The following PUM3 variants were observed in gnomAD, a reference collection of about 807,000 sequenced individuals.
The protein encoded by PUM3 is pumilio RNA binding family member 3.
A neutral mutation model predicts 84.0 loss-of-function variants in PUM3; 91 were observed. That is an observed-to-expected ratio of 1.08 (90% CI 0.91 to 1.29). PUM3 has a LOEUF of 1.29. PUM3 is among the 50% of genes most tolerant of loss of function. The pLI, the probability that PUM3 is intolerant of heterozygous loss-of-function variation, is 0.00. For synonymous variants in PUM3, 321 were observed against 266.7 expected (o/e 1.20, Z -1.98); for missense variants, 1,067 against 767.5 (o/e 1.39, Z -4.61).
chr9:2,826,385 G>T (rs1180691108), intron 10 of PUM3, among the ~76,000 whole-genome samples: 1 of 152,122 alleles, frequency 6.6e-6, no homozygotes, highest in Non-Finnish European at 1.5e-5. Flanking sequence ...AGCTTACGTG[G>T]GTGGCTACCA....
At chr9:2,831,217 A>C in intron 6 of PUM3, 34 bp downstream of exon 6, 1 of 1,400,296 alleles carries the variant, frequency 7.1e-7, no homozygotes. Context: ...ACTTATTGCA[A>C]ATGATAACAT....
intron 17 of PUM3, 132 bp downstream of exon 17, chr9:2,807,682 T>A: frequency 1.7e-6 from 1 of 601,116 alleles, no homozygotes; most frequent in Non-Finnish European, 3.0e-6. Flanking sequence ...GGTATGTTTG[T>A]CTAGACCATG....
At chr9:2,815,296 G>A (rs937121192) in intron 13 of PUM3, among the ~76,000 whole-genome samples, 2 of 152,022 alleles carry the variant, frequency 1.3e-5, no homozygotes, top group African/African-American at 4.8e-5. Context: ...GCTCACCCTC[G>A]TTACAGCTTT....
At chr9:2,816,887 G>A (rs933138787) in intron 13 of PUM3, among the ~76,000 whole-genome samples, 2 of 152,226 alleles carry the variant, frequency 1.3e-5, no homozygotes, top group African/African-American at 2.4e-5. Flanking sequence ...ATCGGGCTAT[G>A]ATTTCAACTT....
chr9:2,838,131 A>C (rs1586729368), intron 2 of PUM3, among the ~76,000 whole-genome samples: 1 of 152,190 alleles, frequency 6.6e-6, no homozygotes, highest in East Asian at 1.9e-4. Context: ...AAACAGTCCT[A>C]ATTTATCAAA....
At chr9:2,821,501 A>C (rs563892663) in intron 12 of PUM3, among the ~76,000 whole-genome samples, 1 of 151,994 alleles carries the variant, frequency 6.6e-6, no homozygotes, top group African/African-American at 2.4e-5. Flanking sequence ...CAGAAGTACA[A>C]ATGTCTTTAA....
rs1412534928 is a variant in PUM3 at position 2,812,294 on chromosome 9, T to C, written c.1338A>G (p.Leu446=). The C allele has an allele frequency of 5.6e-6, 9 of 1,608,012 alleles. No individual in the cohort carries two copies. The highest frequency in any genetic ancestry group is 2.2e-5 in the South Asian group (2 of 90,976). ...CTGTATGTGCAGGATCTCTGGGGCT[T>C]AGTAAGTACAATAGGACCTTCCTTC... ...KYGRKVLLYL[L]SPRDPAHTVR... The change falls in exon 14 of 18, where the codon CTA becomes CTG. Residue 446 remains leucine, a synonymous_variant. Transcript: ENST00000397885.
chr9:2,829,240 C>T (rs916520466), intron 8 of PUM3, among the ~76,000 whole-genome samples: 11 of 152,206 alleles, frequency 7.2e-5, no homozygotes, highest in Non-Finnish European at 2.9e-5. Flanking sequence ...CATTTATGTT[C>T]CAAGGTTTGA....
chr9:2,827,459 C>T (rs1815854689), intron 9 of PUM3, among the ~76,000 whole-genome samples: 1 of 152,062 alleles, frequency 6.6e-6, no homozygotes, highest in Non-Finnish European at 1.5e-5. Context: ...ACATTTTTTC[C>T]CCCAGCACTG....
At chr9:2,840,769 C>T (rs1034767067) in intron 1 of PUM3, among the ~76,000 whole-genome samples, 28 of 152,296 alleles carry the variant, frequency 1.8e-4, no homozygotes, top group African/African-American at 6.3e-4. Flanking sequence ...ATCCTTATTT[C>T]CTGGCACTGG....
intron 12 of PUM3, among the ~76,000 whole-genome samples, chr9:2,821,415 G>A (rs1315090565): frequency 8.5e-6 from 1 of 118,206 alleles, no homozygotes; most frequent in Non-Finnish European, 1.6e-5. Context: ...CGGCACTCCA[G>A]CCTGGGCGAC....
chr9:2,834,770 T>C (rs1401365624), intron 3 of PUM3, among the ~76,000 whole-genome samples: 1 of 152,152 alleles, frequency 6.6e-6, no homozygotes, highest in Non-Finnish European at 1.5e-5. Context: ...GTCTTAGTCA[T>C]GACAATGAAC....
chr9:2,839,966 A>G (rs910189827), intron 1 of PUM3, among the ~76,000 whole-genome samples: 1 of 152,212 alleles, frequency 6.6e-6, no homozygotes, highest in African/African-American at 2.4e-5. Flanking sequence ...GTTGGAGTTT[A>G]CCAGTTTTTC....
intron 17 of PUM3, among the ~76,000 whole-genome samples, chr9:2,807,563 A>G (rs1311567707): frequency 1.6e-5 from 2 of 127,852 alleles, no homozygotes; most frequent in African/African-American, 6.0e-5. Flanking sequence ...AGATCGTGAC[A>G]CTGCACTCCA....
chr9:2,836,882 G>A (rs1206111153), intron 3 of PUM3, among the ~76,000 whole-genome samples: 3 of 152,040 alleles, frequency 2.0e-5, no homozygotes, highest in Admixed American at 6.6e-5. Flanking sequence ...TTCGATGAAC[G>A]AATAAATTTT....
intron 10 of PUM3, among the ~76,000 whole-genome samples, chr9:2,825,138 C>T (rs1394705733): frequency 1.3e-5 from 2 of 151,838 alleles, no homozygotes; most frequent in Non-Finnish European, 2.9e-5. Flanking sequence ...GAAAAAGAAG[C>T]CTAGGAGGTG....
At chr9:2,828,608 CA>C (rs1416273175) in intron 9 of PUM3, 66 bp downstream of exon 9, 22 of 919,710 alleles carry the variant, frequency 2.4e-5, no homozygotes, top group Admixed American at 1.1e-4. Flanking sequence ...TTCTGGGCAA[CA>C]GTTATGGAAA....
intron 13 of PUM3, among the ~76,000 whole-genome samples, chr9:2,816,589 C>T (rs1821474236): frequency 6.6e-6 from 1 of 152,166 alleles, no homozygotes; most frequent in Non-Finnish European, 1.5e-5. Flanking sequence ...GGGACTGGAG[C>T]TGAATGGTGC....
chr9:2,822,879 T>C (rs1430074711), intron 12 of PUM3, among the ~76,000 whole-genome samples: 2 of 151,470 alleles, frequency 1.3e-5, no homozygotes, highest in East Asian at 1.9e-4. Context: ...GCCTTCTGAA[T>C]TCTTCTAATT....
Sources: gnomAD v4.1 joint callset for allele counts (sites outside exome capture counted in the v4.1 genomes callset) on GRCh38, gnomAD v4.1.1 for gene constraint, MANE v1.5 for transcripts, NCBI Gene and HGNC (gene_info 2026-07-23, HGNC 2026-07-21) for gene names.